Variants in GALK2 observed in about 807,000 individuals in gnomAD.
GALK2 encodes the protein galactokinase 2, also known as N-acetylgalactosamine kinase.
A neutral mutation model predicts 52.4 loss-of-function variants in GALK2; 36 were observed. The observed-to-expected ratio is 0.69, with a 90% CI of 0.53 to 0.91. The LOEUF (loss-of-function observed/expected upper bound fraction) is 0.91. GALK2 is among the 40% of genes least tolerant of loss of function. The pLI is 0.00. For synonymous variants in GALK2, 176 were observed against 199.1 expected, an observed-to-expected ratio of 0.88 and a Z score of 0.98; for missense variants, 579 against 559.1, an observed-to-expected ratio of 1.04 and a Z score of -0.36.
intron 5 of GALK2, among the ~76,000 whole-genome samples, chr15:49,276,980 T>G (rs1172639531): frequency 7.0e-6 from 1 of 143,000 alleles, no homozygotes; most frequent in East Asian, 2.0e-4. Context: ...CTTTTTTTTT[T>G]TTTTTTTGAG....
At chr15:49,300,275 TTC>T (rs1312665396) in intron 8 of GALK2, among the ~76,000 whole-genome samples, 2 of 152,066 alleles carry the variant, frequency 1.3e-5, no homozygotes, top group Non-Finnish European at 2.9e-5. Flanking sequence ...TCTTTTTGTC[TTC>T]TGTTTGCTTG....
intron 7 of GALK2, among the ~76,000 whole-genome samples, chr15:49,284,578 CCTGATGGATA>C (rs1302079028): frequency 6.6e-6 from 1 of 152,178 alleles, no homozygotes; most frequent in Non-Finnish European, 1.5e-5. Flanking sequence ...GCTTTGATCT[CCTGATGGATA>C]CTGATGGATA....
At chr15:49,190,150 A>C (rs1323642908) in intron 1 of GALK2, among the ~76,000 whole-genome samples, 1 of 152,226 alleles carries the variant, frequency 6.6e-6, no homozygotes, top group Non-Finnish European at 1.5e-5. Flanking sequence ...GGTATCTTCA[A>C]AGGAAAACTA....
intron 7 of GALK2, among the ~76,000 whole-genome samples, chr15:49,284,922 T>C (rs2033170243): frequency 6.6e-6 from 1 of 152,158 alleles, no homozygotes; most frequent in Admixed American, 6.5e-5. Context: ...ATCCTTTCTA[T>C]CAGACTCCAC....
intron 3 of GALK2, among the ~76,000 whole-genome samples, chr15:49,358,425 C>T (rs1185216799): frequency 6.0e-4 from 78 of 130,518 alleles, no homozygotes; most frequent in African/African-American, 2.3e-3. Flanking sequence ...AAATCACAAG[C>T]ATTCTTATAC....
intron 5 of GALK2, among the ~76,000 whole-genome samples, chr15:49,252,031 A>C (rs192997366): frequency 3.3e-5 from 5 of 152,172 alleles, no homozygotes. Context: ...TTTGGGAGGC[A>C]AAGGCGGGTG....
At position 49,214,656 on chromosome 15, in the gene GALK2, TTGTCTC is replaced by T. The variant is rs546972343; in HGVS notation, c.143-2530_143-2525del. Among the ~76,000 whole-genome samples the T allele has an allele frequency of 8.8e-4, 134 of 152,174 alleles. 1 individual carries two copies. The Middle Eastern group carries it at 0.027, about 31-fold the overall frequency. On this transcript the variant is annotated intron_variant, in intron 2 of 9. Transcript: ENST00000560031. The stretch of plus-strand genomic sequence containing the variant: ...TGCCCGGCTGCTTTGTCACTTTTGA[TTGTCTC>T]TGTTTATATCTTTTTATGCTCAGAA...
At chr15:49,187,078 C>G (rs1207965973) in intron 1 of GALK2, among the ~76,000 whole-genome samples, 1 of 152,112 alleles carries the variant, frequency 6.6e-6, no homozygotes, top group African/African-American at 2.4e-5. Flanking sequence ...TTGGGGCAGG[C>G]TTTCTAGGTA....
chr15:49,365,182 C>G (rs1040989969), intron 3 of GALK2: 1 of 783,184 alleles, frequency 1.3e-6, no homozygotes, highest in African/African-American at 1.7e-5. Context: ...TTGCATAATA[C>G]AGATGGTCCA....
At chr15:49,169,256 T>C (rs2084930038), upstream of GALK2, 1 of 152,192 alleles carries the variant, frequency 6.6e-6, no homozygotes, top group Non-Finnish European at 1.5e-5. Flanking sequence ...GCATGTTGGC[T>C]CAAACTTCCT....
At chr15:49,355,292 GA>G (rs1324456236) in intron 3 of GALK2, among the ~76,000 whole-genome samples, 1 of 152,158 alleles carries the variant, frequency 6.6e-6, no homozygotes, top group East Asian at 1.9e-4. Flanking sequence ...AAATTACTCT[GA>G]GCTACGGGAG....
downstream of GALK2, among the ~76,000 whole-genome samples, chr15:49,332,121 C>T (rs2038905253): frequency 1.4e-5 from 2 of 138,426 alleles, 1 homozygote; most frequent in Non-Finnish European, 3.2e-5. Context: ...ACACACACAT[C>T]CACAACAGTC....
chr15:49,297,214 C>G (rs1327277468), intron 8 of GALK2, among the ~76,000 whole-genome samples: 1 of 152,052 alleles, frequency 6.6e-6, no homozygotes, highest in East Asian at 1.9e-4. Flanking sequence ...GCTTGTTGGC[C>G]ATGTGTATGT....
At chr15:49,339,505 CA>C (rs1351515337) in intron 3 of GALK2, among the ~76,000 whole-genome samples, 3 of 152,156 alleles carry the variant, frequency 2.0e-5, no homozygotes, top group African/African-American at 7.2e-5. Context: ...AGCTTCGTCC[CA>C]GAGGGGCACC....
chr15:49,319,728 G>T lies in GALK2; in HGVS notation c.1092G>T (p.Met364Ile). Residue 364 changes from methionine (M) to isoleucine (I), a missense_variant, in exon 9 of 10, where the codon ATG becomes ATT. Met to Ile is a conservative substitution (Grantham distance 10, BLOSUM62 1). Coordinates refer to ENST00000560031, the MANE Select transcript of GALK2 (RefSeq NM_002044.4). ...ENMVQLLGEL[M>I]NQSHMSCRDM... is the part of the protein sequence containing the mutation. ...TGGTCCAGCTGCTGGGAGAGTTGAT[G>T]AACCAGAGCCACATGAGCTGCCGGG... 1 of 1,614,138 alleles carries T rather than the reference G, an allele frequency of 6.2e-7. No individual in the cohort carries two copies. The highest frequency in any genetic ancestry group is 1.1e-5 in the South Asian group (1 of 91,054).
At chr15:49,362,599 T>A (rs2044430812) in intron 3 of GALK2, among the ~76,000 whole-genome samples, 1 of 152,240 alleles carries the variant, frequency 6.6e-6, no homozygotes, top group African/African-American at 2.4e-5. Context: ...GATAGGTCTT[T>A]TGCTGCGCAG....
intron 5 of GALK2, among the ~76,000 whole-genome samples, chr15:49,266,870 GA>G (rs1438436655): frequency 2.6e-5 from 4 of 152,254 alleles, no homozygotes; most frequent in East Asian, 3.9e-4. Flanking sequence ...AGTGTCCCCA[GA>G]AAAGTGTAGA....
chr15:49,304,874 G>C (rs915409187), intron 8 of GALK2, among the ~76,000 whole-genome samples: 1 of 152,096 alleles, frequency 6.6e-6, no homozygotes, highest in Non-Finnish European at 1.5e-5. Flanking sequence ...CTCTTTTTAT[G>C]TTACACATTT....
chr15:49,272,813 GTGTT>G (rs1234512397), intron 5 of GALK2, among the ~76,000 whole-genome samples: 1 of 152,156 alleles, frequency 6.6e-6, no homozygotes, highest in Non-Finnish European at 1.5e-5. Context: ...GGATCCCAAA[GTGTT>G]TGAATAAAAT....
Sources: allele counts gnomAD v4.1 joint callset (sites outside exome capture counted in the v4.1 genomes callset), GRCh38; gene constraint gnomAD v4.1.1; transcripts MANE v1.5; gene names NCBI Gene and HGNC (gene_info 2026-07-23, HGNC 2026-07-21).